GABRG3: variants seen among roughly 807,000 people sequenced by gnomAD.
The protein encoded by GABRG3 is gamma-aminobutyric acid receptor subunit gamma-3.
GABRG3 carries 25 observed loss-of-function variants against 48.8 expected under a neutral mutation model. That is an observed-to-expected ratio of 0.51 (90% CI 0.37 to 0.72). The LOEUF (loss-of-function observed/expected upper bound fraction) is 0.72, where lower values mean the gene tolerates loss of function less well. Ranked by LOEUF, GABRG3 falls within the 30% of genes least tolerant of loss-of-function variation. GABRG3 has a pLI of 0.00. For missense variants in GABRG3, 394 were observed against 577.9 expected (o/e 0.68, Z 3.26); for synonymous variants, 227 against 217.6 (o/e 1.04, Z -0.38).
At chr15:27,106,164 A>C (rs1044841954) in intron 3 of GABRG3, among the ~76,000 whole-genome samples, 32 of 152,106 alleles carry the variant, frequency 2.1e-4, no homozygotes, top group African/African-American at 7.2e-4. Context: ...CAGAGGATAC[A>C]AAGTAGCAAT....
intron 3 of GABRG3, among the ~76,000 whole-genome samples, chr15:27,155,537 C>A (rs574422690): frequency 2.6e-5 from 4 of 152,118 alleles, no homozygotes; most frequent in Non-Finnish European, 5.9e-5. Flanking sequence ...AACAGTCTAT[C>A]TTATTTAAGC....
chr15:27,150,964 C>T (rs904340023), intron 3 of GABRG3, among the ~76,000 whole-genome samples: 7 of 152,192 alleles, frequency 4.6e-5, no homozygotes, highest in Admixed American at 3.3e-4. Context: ...TGCACAACAT[C>T]TCATTTCCAA....
intron 6 of GABRG3, among the ~76,000 whole-genome samples, chr15:27,503,487 T>TA (rs1478585310): frequency 6.6e-6 from 1 of 152,166 alleles, no homozygotes; most frequent in Non-Finnish European, 1.5e-5. Flanking sequence ...TGGAATCATA[T>TA]AAAATGGAAC....
intron 2 of GABRG3, among the ~76,000 whole-genome samples, chr15:27,008,679 C>T (rs1320029551): frequency 1.3e-5 from 2 of 151,964 alleles, no homozygotes; most frequent in African/African-American, 2.4e-5. Flanking sequence ...CCTACCATCC[C>T]CCTGCAAAAG....
At chr15:27,497,848 A>T (rs1349078616) in intron 6 of GABRG3, among the ~76,000 whole-genome samples, 1 of 151,994 alleles carries the variant, frequency 6.6e-6, no homozygotes, top group East Asian at 1.9e-4. Flanking sequence ...ATTCACCATG[A>T]TTTCTTCCAG....
chr15:27,040,474 A>G (rs1364467265), intron 3 of GABRG3, among the ~76,000 whole-genome samples: 2 of 152,206 alleles, frequency 1.3e-5, no homozygotes, highest in Admixed American at 6.5e-5. Flanking sequence ...CTCATCCAAG[A>G]TGAATGTCCT....
chr15:27,363,411 A>G (rs1454167632), intron 5 of GABRG3: 1 of 152,040 alleles, frequency 6.6e-6, no homozygotes, highest in African/African-American at 2.4e-5. Flanking sequence ...AAGAAAGGAA[A>G]CTCATCAAGA....
chr15:27,075,059 T>G (rs1175187323), intron 3 of GABRG3, among the ~76,000 whole-genome samples: 1 of 152,178 alleles, frequency 6.6e-6, no homozygotes, highest in Non-Finnish European at 1.5e-5. Flanking sequence ...TAAAACCCAA[T>G]CAACTTCAAG....
chr15:27,413,200 A>G (rs560533273), intron 5 of GABRG3, among the ~76,000 whole-genome samples: 1 of 152,338 alleles, frequency 6.6e-6, no homozygotes, highest in Non-Finnish European at 1.5e-5. Flanking sequence ...GTACAGTTAC[A>G]GGAGATTTTT....
intron 6 of GABRG3, among the ~76,000 whole-genome samples, chr15:27,495,352 T>TTAAAATTCATTCATGCTTTGATGGA (rs1890459954): frequency 6.6e-6 from 1 of 152,234 alleles, no homozygotes; most frequent in South Asian, 2.1e-4. Context: ...TGCCATATTT[T>TTAAAATTCATTCATGCTTTGATGGA]TAAAATTCAT....
chr15:27,501,431 G>T (rs573999644), intron 6 of GABRG3, among the ~76,000 whole-genome samples: 1 of 152,102 alleles, frequency 6.6e-6, no homozygotes. Flanking sequence ...CGAGCATCAG[G>T]TTAGTCTTCG....
At chr15:27,072,869 G>T (rs1896850917) in intron 3 of GABRG3, among the ~76,000 whole-genome samples, 1 of 152,226 alleles carries the variant, frequency 6.6e-6, no homozygotes, top group Non-Finnish European at 1.5e-5. Context: ...TCCCTGTGGA[G>T]TGGAAAATGT....
intron 6 of GABRG3, among the ~76,000 whole-genome samples, chr15:27,510,423 C>G (rs554499562): frequency 1.3e-5 from 2 of 152,304 alleles, no homozygotes; most frequent in Admixed American, 1.3e-4. Context: ...CACCATTCCC[C>G]TGTTGCACCA....
chr15:27,530,760 TCTC>T (rs1336104625), intron 9 of GABRG3: 23 of 470,174 alleles, frequency 4.9e-5, no homozygotes, highest in Non-Finnish European at 7.5e-5. Context: ...TGGCCAGACT[TCTC>T]CTCTGTGTCT....
At position 27,536,072 on chromosome 15, in the gene GABRG3, T is replaced by TGAC. The variant is rs1237582921; in HGVS notation, c.*3192_*3194dup. ...TCAGAAATACTCTAAGTTGAGGAGA[T>TGAC]GACAGTTCTGTATTTTGACATGGAA... On this transcript the variant is annotated 3_prime_UTR_variant, in exon 10 of 10. Coordinates refer to ENST00000615808, the MANE Select transcript of GABRG3 (RefSeq NM_033223.5). 6.6e-6 allele frequency: 1 copy of TGAC among 152,242 alleles called. No individual in the cohort carries two copies. Among genetic ancestry groups the TGAC allele is most frequent in the African/African-American group, 2.4e-5 (1 of 41,460 alleles). The allele number at this position is 152,242 out of a possible 1,614,324, so 9.4% of individuals were successfully genotyped here.
intron 9 of GABRG3, among the ~76,000 whole-genome samples, chr15:27,530,281 G>C (rs898898573): frequency 6.6e-6 from 1 of 152,130 alleles, no homozygotes; most frequent in African/African-American, 2.4e-5. Context: ...GGACACTCAC[G>C]GGGCTGCGCT....
chr15:27,036,086 A>C (rs1896172782), intron 3 of GABRG3, among the ~76,000 whole-genome samples: 1 of 152,250 alleles, frequency 6.6e-6, no homozygotes, highest in Non-Finnish European at 1.5e-5. Flanking sequence ...AACGGAATTA[A>C]TAAAGCTGTG....
intron 3 of GABRG3, among the ~76,000 whole-genome samples, chr15:27,154,640 A>G (rs576221132): frequency 1.3e-5 from 2 of 152,234 alleles, no homozygotes; most frequent in East Asian, 3.9e-4. Flanking sequence ...ATATTGATTG[A>G]TTTTTGAATA....
At chr15:27,258,856 G>A (rs750359611) in intron 3 of GABRG3, among the ~76,000 whole-genome samples, 6 of 152,116 alleles carry the variant, frequency 3.9e-5, no homozygotes, top group Non-Finnish European at 7.4e-5. Context: ...CCTCTTATCT[G>A]GCCATAGTTT....
Sources: allele counts gnomAD v4.1 joint callset (sites outside exome capture counted in the v4.1 genomes callset), GRCh38; gene constraint gnomAD v4.1.1; transcripts MANE v1.5; gene names NCBI Gene and HGNC (gene_info 2026-07-23, HGNC 2026-07-21).